The following CLSTN2 variants were observed in gnomAD, a reference collection of about 807,000 sequenced individuals.
CLSTN2 encodes the protein calsyntenin 2.
Under a neutral mutation model 101.2 loss-of-function variants are expected in CLSTN2, and 48 were observed. That is an observed-to-expected ratio of 0.47 (90% CI 0.38 to 0.60). The LOEUF is 0.60. Among genes scored for constraint, CLSTN2 ranks in the 20% least tolerant of loss-of-function variants. The pLI, the probability that CLSTN2 is intolerant of heterozygous loss-of-function variation, is 0.00. For missense variants in CLSTN2, 1,160 were observed against 1,238.2 expected (o/e 0.94, Z 0.95); for synonymous variants, 481 against 463.6 (o/e 1.04, Z -0.48).
intron 1 of CLSTN2, among the ~76,000 whole-genome samples, chr3:140,128,797 T>C (rs371774404): frequency 1.4e-4 from 21 of 152,148 alleles, no homozygotes; most frequent in African/African-American, 5.1e-4. Context: ...GGGGTCCATG[T>C]GGCCTCCAGG....
chr3:140,326,035 C>T (rs1404552657), intron 2 of CLSTN2, among the ~76,000 whole-genome samples: 2 of 152,202 alleles, frequency 1.3e-5, no homozygotes, highest in Admixed American at 6.5e-5. Flanking sequence ...TTCCTTTTCA[C>T]ACTCCTACCC....
intron 1 of CLSTN2, among the ~76,000 whole-genome samples, chr3:140,118,786 A>C (rs551001830): frequency 9.9e-5 from 15 of 152,270 alleles, no homozygotes; most frequent in African/African-American, 3.6e-4. Context: ...TATGGATGAC[A>C]TGTTCTCTAC....
intron 8 of CLSTN2, among the ~76,000 whole-genome samples, chr3:140,526,136 C>T (rs758286846): frequency 1.3e-4 from 20 of 152,010 alleles, no homozygotes; most frequent in Non-Finnish European, 2.5e-4. Context: ...GTCGTCAAAC[C>T]ATCTCTCTTT....
At chr3:140,105,931 T>G (rs2009050504) in intron 1 of CLSTN2, among the ~76,000 whole-genome samples, 1 of 152,140 alleles carries the variant, frequency 6.6e-6, no homozygotes, top group Non-Finnish European at 1.5e-5. Context: ...AAAGCCTCCT[T>G]CAATGTGGAA....
At chr3:140,446,390 A>T (rs985871341) in intron 5 of CLSTN2, among the ~76,000 whole-genome samples, 1 of 152,154 alleles carries the variant, frequency 6.6e-6, no homozygotes, top group Admixed American at 6.5e-5. Context: ...CACATCCGTA[A>T]TGTGCACCCT....
At chr3:140,200,822 T>G (rs1214682221) in intron 2 of CLSTN2, among the ~76,000 whole-genome samples, 1 of 152,138 alleles carries the variant, frequency 6.6e-6, no homozygotes, top group Non-Finnish European at 1.5e-5. Context: ...TGCCTCCTCT[T>G]TTAAACACCT....
chr3:140,318,964 T>C (rs1413868510), intron 2 of CLSTN2, among the ~76,000 whole-genome samples: 1 of 152,228 alleles, frequency 6.6e-6, no homozygotes, highest in African/African-American at 2.4e-5. Flanking sequence ...TTGTAAAATT[T>C]CTGCATATTA....
intron 2 of CLSTN2, among the ~76,000 whole-genome samples, chr3:140,325,163 G>A (rs1209631566): frequency 6.6e-6 from 1 of 152,162 alleles, no homozygotes; most frequent in African/African-American, 2.4e-5. Context: ...CTCCCAAAGT[G>A]TTGGGATTAC....
chr3:139,987,521 C>G (rs72979892), intron 1 of CLSTN2, among the ~76,000 whole-genome samples: 1 of 152,200 alleles, frequency 6.6e-6, no homozygotes, highest in African/African-American at 2.4e-5. Flanking sequence ...AACAGGGTCT[C>G]TTTCCAAAAG....
Position 140,573,605 on chromosome 3 carries a change from C to A in CLSTN2, c.*7352C>A, listed in dbSNP as rs59739085. 2.0e-5 allele frequency: 3 copies of A among 152,104 alleles called. No homozygotes were observed. The highest frequency in any genetic ancestry group is 7.2e-5 in the African/African-American group (3 of 41,380). 9.4% of individuals were successfully genotyped at this position (152,104 alleles called of 1,614,324 possible). ...GTGTACACCTAACTGACTCCTCCTA[C>A]GAGGTACAGTCTCCTCATACAAGGG... On this transcript the variant is annotated 3_prime_UTR_variant, in exon 17 of 17. Coordinates refer to ENST00000458420, the MANE Select transcript of CLSTN2 (RefSeq NM_022131.3).
At chr3:140,060,235 G>C (rs1281151642) in intron 1 of CLSTN2, among the ~76,000 whole-genome samples, 1 of 152,164 alleles carries the variant, frequency 6.6e-6, no homozygotes, top group Non-Finnish European at 1.5e-5. Context: ...TGTGAAAGCT[G>C]AAAGACTGGT....
At chr3:140,367,594 G>A (rs1274678258) in intron 2 of CLSTN2, among the ~76,000 whole-genome samples, 2 of 150,924 alleles carry the variant, frequency 1.3e-5, no homozygotes, top group African/African-American at 4.9e-5. Flanking sequence ...TACAGAACTA[G>A]AAGCTATTTT....
chr3:140,372,400 G>C (rs1285539858), intron 2 of CLSTN2, among the ~76,000 whole-genome samples: 1 of 152,158 alleles, frequency 6.6e-6, no homozygotes, highest in African/African-American at 2.4e-5. Flanking sequence ...CCACCTTCCT[G>C]GTTAGGTATT....
chr3:140,193,508 C>T (rs1335569112), intron 2 of CLSTN2, among the ~76,000 whole-genome samples: 1 of 151,084 alleles, frequency 6.6e-6, no homozygotes, highest in African/African-American at 2.5e-5. Flanking sequence ...AATCCATTGC[C>T]ATTCTGTTTT....
chr3:140,188,868 G>A (rs2010518558), intron 2 of CLSTN2, among the ~76,000 whole-genome samples: 1 of 152,062 alleles, frequency 6.6e-6, no homozygotes, highest in Non-Finnish European at 1.5e-5. Context: ...CTACAGACAA[G>A]ATACAGAGCA....
intron 1 of CLSTN2, among the ~76,000 whole-genome samples, chr3:140,006,309 A>T (rs1259202479): frequency 6.6e-6 from 1 of 152,244 alleles, no homozygotes; most frequent in Non-Finnish European, 1.5e-5. Flanking sequence ...CAGATTTTAT[A>T]ATAATCTTCC....
At chr3:140,431,464 C>T (rs1308991367) in intron 5 of CLSTN2, among the ~76,000 whole-genome samples, 1 of 152,170 alleles carries the variant, frequency 6.6e-6, no homozygotes, top group Non-Finnish European at 1.5e-5. Flanking sequence ...TATACCCTTC[C>T]ATTCAATAGG....
At chr3:140,480,782 T>C (rs1369102585) in intron 8 of CLSTN2, among the ~76,000 whole-genome samples, 4 of 152,242 alleles carry the variant, frequency 2.6e-5, no homozygotes. Flanking sequence ...CACCCACTTG[T>C]TGATGGGGTT....
intron 8 of CLSTN2, among the ~76,000 whole-genome samples, chr3:140,482,177 A>G (rs1368747691): frequency 1.3e-5 from 2 of 152,156 alleles, no homozygotes; most frequent in Non-Finnish European, 1.5e-5. Flanking sequence ...GAATTTTGTC[A>G]AAGGCCTTTT....
Sources: gnomAD v4.1 joint callset for allele counts (sites outside exome capture counted in the v4.1 genomes callset) on GRCh38, gnomAD v4.1.1 for gene constraint, MANE v1.5 for transcripts, NCBI Gene and HGNC (gene_info 2026-07-23, HGNC 2026-07-21) for gene names.